Variants in EPS8L2 observed in about 807,000 individuals in gnomAD.
EPS8L2 encodes EPS8 signaling adaptor L2.
In EPS8L2, 81 loss-of-function variants were observed where a neutral mutation model predicts 99.4. The observed-to-expected ratio is 0.82, with a 90% confidence interval of 0.68 to 0.98. EPS8L2 has a LOEUF of 0.98. Among genes scored for constraint, EPS8L2 ranks in the 50% least tolerant of loss-of-function variants. The pLI, the probability that EPS8L2 is intolerant of heterozygous loss-of-function variation, is 0.00. For missense variants in EPS8L2, 1,155 were observed against 968.8 expected, an observed-to-expected ratio of 1.19 and a Z score of -2.55; for synonymous variants, 509 against 407.3, an observed-to-expected ratio of 1.25 and a Z score of -3.01.
chr11:719,962 T>C, intron 4 of EPS8L2, 100 bp from the exon 5 acceptor site: 3 of 1,212,028 alleles, frequency 2.5e-6, no homozygotes, highest in Middle Eastern at 2.0e-4. Flanking sequence ...CTACCCAGGG[T>C]TGGCTGTGGC....
At chr11:726,579 G>A (rs1445206535) in intron 19 of EPS8L2, 40 bp from the exon 20 acceptor site, 2 of 1,524,150 alleles carry the variant, frequency 1.3e-6, no homozygotes, top group Non-Finnish European at 8.8e-7. Context: ...AGGCAGCCTC[G>A]CTCACAGCGC....
At chr11:714,608 A>ATT in intron 4 of EPS8L2, among the ~76,000 whole-genome samples, 1 of 147,956 alleles carries the variant, frequency 6.8e-6, no homozygotes, top group Non-Finnish European at 1.5e-5. Context: ...ATTTTATTTT[A>ATT]TTTTATTTTA....
rs774101637 is a variant in EPS8L2 at position 723,256 on chromosome 11, C to T, written c.1357C>T (p.Arg453Ter). Residue 453 changes from arginine (R) to a stop codon, truncating the protein, a stop_gained, in exon 15 of 21, where the codon CGA becomes TGA. Transcript: ENST00000318562. LOFTEE classifies it high-confidence loss of function. ...TTCCCCACAGGTGAGTCCAGTGAGCCGACAGTCCATAAGAAACTCCCAGAA... is the reference window on the plus strand; with the variant it reads ...TTCCCCACAGGTGAGTCCAGTGAGCTGACAGTCCATAAGAAACTCCCAGAA... ...APIEEVSPVSRQSIRNSQKHS... is the reference protein window; with the variant it reads ...APIEEVSPVS 16 of 1,604,226 alleles carry T rather than the reference C, an allele frequency of 1.0e-5. No individual in the cohort carries two copies. Among genetic ancestry groups the T allele is most frequent in the Non-Finnish European group, 1.2e-5 (14 of 1,176,500 alleles).
chr11:719,453 G>A (rs967887146), intron 4 of EPS8L2, among the ~76,000 whole-genome samples: 3 of 152,246 alleles, frequency 2.0e-5, no homozygotes, highest in Non-Finnish European at 4.4e-5. Context: ...GAGGAGAGGT[G>A]AAGGGCACAG....
At chr11:711,454 C>T (rs955295244) in intron 4 of EPS8L2, among the ~76,000 whole-genome samples, 20 of 152,060 alleles carry the variant, frequency 1.3e-4, no homozygotes, top group Admixed American at 6.5e-4. Context: ...CAAGTGATCC[C>T]CTCACCTCAG....
At chr11:725,980 G>A (rs946881482) in intron 17 of EPS8L2, 118 bp from the exon 18 acceptor site, 88 of 1,330,646 alleles carry the variant, frequency 6.6e-5, no homozygotes, top group Non-Finnish European at 8.1e-5. Flanking sequence ...TGGGCAGAAG[G>A]AAAGGGCTGG....
At chr11:725,498 G>A (rs974614369) in intron 16 of EPS8L2, among the ~76,000 whole-genome samples, 1 of 152,194 alleles carries the variant, frequency 6.6e-6, no homozygotes, top group African/African-American at 2.4e-5. Flanking sequence ...GCGGCAGAGT[G>A]AGACCCTGTC....
intron 4 of EPS8L2, among the ~76,000 whole-genome samples, chr11:717,168 G>A (rs963510656): frequency 6.6e-6 from 1 of 151,984 alleles, no homozygotes; most frequent in Non-Finnish European, 1.5e-5. Flanking sequence ...GTAGAGACGG[G>A]GTATCACCGT....
intron 14 of EPS8L2, 93 bp from the exon 15 acceptor site, chr11:723,148 A>G: frequency 1.5e-6 from 1 of 680,744 alleles, no homozygotes; most frequent in Non-Finnish European, 2.6e-6. Flanking sequence ...TGCATCAGTC[A>G]CAGGACATTA....
At chr11:722,613 G>A in intron 13 of EPS8L2, 60 bp from the exon 14 acceptor site, 1 of 1,609,646 alleles carries the variant, frequency 6.2e-7, no homozygotes. Context: ...GGGCCAGCAA[G>A]GGGGTCCTGG....
intron 4 of EPS8L2, among the ~76,000 whole-genome samples, chr11:715,385 T>G (rs964398639): frequency 6.6e-6 from 1 of 152,204 alleles, no homozygotes; most frequent in African/African-American, 2.4e-5. Context: ...CTGTAAGATC[T>G]GTAGTGATGC....
At position 709,506 on chromosome 11, in the gene EPS8L2, A is replaced by T. The variant is rs377546875; in HGVS notation, c.45-47A>T. 1.2e-5 allele frequency: 16 copies of T among 1,291,082 alleles called. No individual in the cohort carries two copies. The African/African-American group carries it at 2.3e-4, about 18-fold the overall frequency. The allele number at this position is 1,291,082 out of a possible 1,614,324, so 80.0% of individuals were successfully genotyped here. A position where few individuals can be genotyped will look rare whatever the true frequency, so the allele number is the denominator to read the frequency against. Reference sequence around the variant, plus strand: ...CACCCTCACCCTCTGAACAGTCCCCAGGGAGGGGTGCAGTTTGGCCCTGCC... The same window carrying T: ...CACCCTCACCCTCTGAACAGTCCCCTGGGAGGGGTGCAGTTTGGCCCTGCC... On this transcript the variant is annotated intron_variant, in intron 2 of 20. Coordinates refer to ENST00000318562, the MANE Select transcript of EPS8L2 (RefSeq NM_022772.4).
chr11:712,174 T>C (rs776072950), intron 4 of EPS8L2, among the ~76,000 whole-genome samples: 3 of 151,080 alleles, frequency 2.0e-5, no homozygotes, highest in Non-Finnish European at 4.4e-5. Flanking sequence ...TAGTCCCAGC[T>C]ACTTGGGAAG....
At position 721,696 on chromosome 11, in the gene EPS8L2, A is replaced by C. The variant is rs370435617; in HGVS notation, c.895+5A>C. Reference sequence around the variant, plus strand: ...AGGGCAAGAAGGCGCCAGCAGGTGCAGGGGACAGGGACGGGGCCGGCAGGT... The same window carrying C: ...AGGGCAAGAAGGCGCCAGCAGGTGCCGGGGACAGGGACGGGGCCGGCAGGT... On this transcript the variant is annotated splice_donor_5th_base_variant and intron_variant, in intron 10 of 20. Transcript: ENST00000318562. 1 of 1,598,656 alleles carries C rather than the reference A, an allele frequency of 6.3e-7. No homozygotes were observed. Among genetic ancestry groups the C allele is most frequent in the East Asian group, 2.2e-5 (1 of 44,660 alleles).
Position 720,483 on chromosome 11 carries a change from T to C in EPS8L2, c.328-114T>C. The C allele has an allele frequency of 9.4e-6, 14 of 1,487,626 alleles. 1 individual carries two copies. The South Asian group carries it at 1.7e-4, about 18-fold the overall frequency. 92.2% of individuals were successfully genotyped at this position (1,487,626 alleles called of 1,614,324 possible). On this transcript the variant is annotated intron_variant, in intron 5 of 20. Coordinates refer to ENST00000318562, the MANE Select transcript of EPS8L2 (RefSeq NM_022772.4). Reference sequence around the variant, plus strand: ...CCTAGTCCTCATCTTTGGGAGCCCATTCCCCAGCGGCGCCAGAGGGGCCTG... The same window carrying C: ...CCTAGTCCTCATCTTTGGGAGCCCACTCCCCAGCGGCGCCAGAGGGGCCTG...
intron 4 of EPS8L2, among the ~76,000 whole-genome samples, chr11:719,807 G>C (rs1862108937): frequency 6.6e-6 from 1 of 152,208 alleles, no homozygotes; most frequent in South Asian, 2.1e-4. Context: ...AGGTGGGCGG[G>C]TGAGGATGGT....
chr11:726,837 G>T (rs1564980958), intron 20 of EPS8L2, 64 bp from the exon 21 acceptor site: 13 of 1,589,606 alleles, frequency 8.2e-6, no homozygotes, highest in African/African-American at 2.7e-5. Flanking sequence ...GCAGAGCAAG[G>T]GGGAGGCCGG....
chr11:710,108 C>A, intron 3 of EPS8L2: 1 of 396,562 alleles, frequency 2.5e-6, no homozygotes, highest in Non-Finnish European at 4.6e-6. Flanking sequence ...AGAAGCCGGG[C>A]TGGGACCCCC....
intron 5 of EPS8L2, 176 bp downstream of exon 5, chr11:720,399 C>T (rs760850187): frequency 9.3e-7 from 1 of 1,080,396 alleles, no homozygotes; most frequent in Non-Finnish European, 1.3e-6. Flanking sequence ...AGCTGAGAGT[C>T]CAGGGAAGTT....
Sources: gnomAD v4.1 joint callset for allele counts (sites outside exome capture counted in the v4.1 genomes callset) on GRCh38, gnomAD v4.1.1 for gene constraint, MANE v1.5 for transcripts, NCBI Gene and HGNC (gene_info 2026-07-23, HGNC 2026-07-21) for gene names.